ATAD1: variants seen among roughly 807,000 people sequenced by gnomAD.
The protein encoded by ATAD1 is outer mitochondrial transmembrane helix translocase.
ATAD1 carries 18 observed loss-of-function variants against 42.7 expected under a neutral mutation model. The observed-to-expected ratio is 0.42, with a 90% CI of 0.29 to 0.63. ATAD1 has a LOEUF of 0.63. ATAD1 is among the 20% of genes least tolerant of loss of function. ATAD1 has a pLI of 0.19. For missense variants in ATAD1, 294 were observed against 440.4 expected, an observed-to-expected ratio of 0.67 and a Z score of 2.98; for synonymous variants, 132 against 143.1, an observed-to-expected ratio of 0.92 and a Z score of 0.55.
chr10:87,803,969 T>G (rs188600415), intron 2 of ATAD1, among the ~76,000 whole-genome samples: 1 of 152,318 alleles, frequency 6.6e-6, no homozygotes, highest in Non-Finnish European at 1.5e-5. Context: ...TTTTATTTAC[T>G]TCAGCTTCTC....
At chr10:87,773,614 C>A (rs544519246) in intron 6 of ATAD1, among the ~76,000 whole-genome samples, 1 of 152,250 alleles carries the variant, frequency 6.6e-6, no homozygotes, top group Admixed American at 6.5e-5. Context: ...TCTCTCAAAT[C>A]AAAACTCATC....
intron 2 of ATAD1, among the ~76,000 whole-genome samples, chr10:87,811,259 G>C (rs1857166452): frequency 6.6e-6 from 1 of 152,026 alleles, no homozygotes; most frequent in Admixed American, 6.6e-5. Flanking sequence ...CTTGAACCCG[G>C]AAGAAGCAGG....
chr10:87,816,979 C>G lies in ATAD1; in HGVS notation c.-14+1188G>C, dbSNP rs12569628. Among the ~76,000 whole-genome samples, 44 of 152,262 alleles carry G rather than the reference C, an allele frequency of 2.9e-4. No homozygotes were observed. The East Asian group carries it at 6.4e-3, about 22-fold the overall frequency. On this transcript the variant is annotated intron_variant, in intron 1 of 9. Coordinates refer to ENST00000680024, the MANE Select transcript of ATAD1 (RefSeq NM_001321967.2). ...GCTGTTATGAACACATCCCAGTCAT[C>G]AAGATAGTAACAACTTTTAATCCCA...
chr10:87,788,085 G>A (rs1855922224), intron 4 of ATAD1, among the ~76,000 whole-genome samples: 1 of 152,196 alleles, frequency 6.6e-6, no homozygotes, highest in Non-Finnish European at 1.5e-5. Flanking sequence ...AATATCTTAT[G>A]TGTGCCCCCA....
intron 2 of ATAD1, among the ~76,000 whole-genome samples, chr10:87,794,218 A>T (rs1015047009): frequency 6.6e-6 from 1 of 152,192 alleles, no homozygotes; most frequent in African/African-American, 2.4e-5. Flanking sequence ...ATCTTGTCTC[A>T]TAAGAATTTT....
Position 87,760,635 on chromosome 10 carries a change from A to T in ATAD1, c.832-3713T>A, listed in dbSNP as rs375234599. ...GTCTAGCTACTCAGGAGGTTGAGGCAGGAGGATCACTTGAGCCAAGGAGTT... is the reference window on the plus strand; with the variant it reads ...GTCTAGCTACTCAGGAGGTTGAGGCTGGAGGATCACTTGAGCCAAGGAGTT... On this transcript the variant is annotated intron_variant, in intron 8 of 9. Coordinates refer to ENST00000680024, the MANE Select transcript of ATAD1 (RefSeq NM_001321967.2). Among the ~76,000 whole-genome samples the T allele has an allele frequency of 7.8e-4, 119 of 152,324 alleles. 3 individuals carry two copies. In the South Asian group the frequency reaches 0.016, roughly 20 times the overall value.
chr10:87,835,514 T>C (rs1857914361), intron 1 of ATAD1, among the ~76,000 whole-genome samples: 1 of 152,194 alleles, frequency 6.6e-6, no homozygotes, highest in African/African-American at 2.4e-5. Context: ...CATATATTTT[T>C]CTATTTTTAA....
At chr10:87,778,475 T>C (rs948040591) in intron 5 of ATAD1, among the ~76,000 whole-genome samples, 10 of 152,216 alleles carry the variant, frequency 6.6e-5, no homozygotes, top group East Asian at 1.9e-4. Flanking sequence ...ATCTTGGGGA[T>C]AGAACCCAAG....
intron 5 of ATAD1, among the ~76,000 whole-genome samples, chr10:87,783,275 G>A (rs762447772): frequency 3.9e-5 from 6 of 152,020 alleles, no homozygotes; most frequent in Non-Finnish European, 5.9e-5. Context: ...GGAGGCTGAG[G>A]TGGAAGGTTC....
chr10:87,818,357 G>C (rs1405428998), upstream of ATAD1: 3 of 670,828 alleles, frequency 4.5e-6, no homozygotes, highest in Non-Finnish European at 5.5e-6. Context: ...GCAAATTCGC[G>C]CACCTGATGT....
chr10:87,817,430 G>C (rs1450133142), intron 1 of ATAD1, among the ~76,000 whole-genome samples: 1 of 152,182 alleles, frequency 6.6e-6, no homozygotes, highest in Non-Finnish European at 1.5e-5. Flanking sequence ...TATTTGTTAG[G>C]CAAATATGGT....
intron 1 of ATAD1, among the ~76,000 whole-genome samples, chr10:87,830,513 CCT>C (rs1329592092): frequency 3.9e-5 from 6 of 152,232 alleles, no homozygotes; most frequent in South Asian, 4.1e-4. Context: ...TTTTTTCCCC[CCT>C]GTCTTATGGT....
intron 1 of ATAD1, among the ~76,000 whole-genome samples, chr10:87,835,019 C>T (rs1857905814): frequency 6.6e-6 from 1 of 151,740 alleles, no homozygotes; most frequent in Non-Finnish European, 1.5e-5. Context: ...CCTCTTTGAC[C>T]CATGGATTAC....
At chr10:87,840,669 C>G (rs765503420) in intron 1 of ATAD1, among the ~76,000 whole-genome samples, 4 of 152,078 alleles carry the variant, frequency 2.6e-5, no homozygotes, top group Non-Finnish European at 5.9e-5. Context: ...TTTTTTCACC[C>G]CTTCAGGGAA....
rs201541145 is a variant in ATAD1, at chr10:87,754,820, C to A, written c.966-13G>T. 1.9e-6 allele frequency: 3 copies of A among 1,607,490 alleles called. No homozygotes were observed. The East Asian group carries it at 6.7e-5, about 36-fold the overall frequency. On this transcript the variant is annotated splice_polypyrimidine_tract_variant and intron_variant, in intron 9 of 9. Coordinates refer to ENST00000680024, the MANE Select transcript of ATAD1 (RefSeq NM_001321967.2). Reference sequence around the variant, plus strand: ...ATCTTCGTCATGGCTAAAATGCAAACAAAACCATCAAATACTCAAATAACT... The same window carrying A: ...ATCTTCGTCATGGCTAAAATGCAAAAAAAACCATCAAATACTCAAATAACT...
rs1366841539 is a variant in ATAD1 at position 87,754,072 on chromosome 10, A to C, written c.*615T>G. On this transcript the variant is annotated 3_prime_UTR_variant, in exon 10 of 10. Coordinates refer to ENST00000680024, the MANE Select transcript of ATAD1 (RefSeq NM_001321967.2). ...ATATATGCAAGATGTGGAGGATCCA[A>C]CTAATAACTGCAGAAATAAAAACAC... is the stretch of plus-strand genomic sequence containing the variant. 6.6e-6 allele frequency: 1 copy of C among 152,484 alleles called. No homozygotes were observed. The highest frequency in any genetic ancestry group is 2.4e-5 in the African/African-American group (1 of 41,446). The allele number at this position is 152,484 out of a possible 1,614,324, so 9.4% of individuals were successfully genotyped here. A position where few individuals can be genotyped will look rare whatever the true frequency, so the allele number is the denominator to read the frequency against.
chr10:87,840,383 G>A (rs1174102156), intron 1 of ATAD1, among the ~76,000 whole-genome samples: 1 of 152,172 alleles, frequency 6.6e-6, no homozygotes, highest in African/African-American at 2.4e-5. Context: ...CTACTTGAAG[G>A]CTGAGGTGGG....
chr10:87,782,740 T>C (rs1209447633), intron 5 of ATAD1, among the ~76,000 whole-genome samples: 1 of 152,330 alleles, frequency 6.6e-6, no homozygotes, highest in East Asian at 1.9e-4. Flanking sequence ...CTAGGCGTTA[T>C]AATCCCAGCA....
intron 1 of ATAD1, 180 bp downstream of exon 1, chr10:87,817,987 G>A (rs1857505292): frequency 3.0e-6 from 3 of 985,672 alleles, no homozygotes; most frequent in Non-Finnish European, 3.6e-6. Context: ...GACGCCCTTG[G>A]AGGTTAATCC....
Sources: gnomAD v4.1 joint callset for allele counts (sites outside exome capture counted in the v4.1 genomes callset) on GRCh38, gnomAD v4.1.1 for gene constraint, MANE v1.5 for transcripts, NCBI Gene and HGNC (gene_info 2026-07-23, HGNC 2026-07-21) for gene names.